The following NLGN4X variants were observed in gnomAD, a reference collection of about 807,000 sequenced individuals.
The protein encoded by NLGN4X is neuroligin-4, X-linked.
A neutral mutation model predicts 40.3 loss-of-function variants in NLGN4X; 3 were observed. That is an observed-to-expected ratio of 0.07 (90% CI 0.03 to 0.19). NLGN4X has a LOEUF of 0.19. NLGN4X is among the 10% of genes least tolerant of loss of function. The pLI is 1.00. For synonymous variants in NLGN4X, 270 were observed against 306.8 expected, an observed-to-expected ratio of 0.88 and a Z score of 1.25; for missense variants, 382 against 708.3, an observed-to-expected ratio of 0.54 and a Z score of 5.23.
At chrX:5,978,298 TTCTTTCTTTCTTTC>T (rs2035257972) in intron 3 of NLGN4X, among the ~76,000 whole-genome samples, 1 of 88,063 alleles carries the variant, frequency 1.1e-5, no homozygotes, top group African/African-American at 5.0e-5. Context: ...CTTTCTTTCT[TTCTTTCTTTCTTTC>T]TTTCTTTCTT....
Position 6,078,684 on chromosome X carries a change from A to G in NLGN4X, c.473-49252T>C, listed in dbSNP as rs767302946. On this transcript the variant is annotated intron_variant, in intron 2 of 5. Transcript: ENST00000381095. The stretch of plus-strand genomic sequence containing the variant: ...AAATTACAATTAAACTACAATACTG[A>G]TAACTTTTAAATTCTATTAAAACCA... Among the ~76,000 whole-genome samples, 18 of 106,097 alleles carry G rather than the reference A, an allele frequency of 1.7e-4. No individual in the cohort carries two copies. The South Asian group carries it at 7.2e-3, about 43-fold the overall frequency. The allele number at this position is 106,097 out of a possible 115,157, so 92.1% of individuals were successfully genotyped here.
intron 1 of NLGN4X, among the ~76,000 whole-genome samples, chrX:6,167,798 G>A (rs2040528383): frequency 8.9e-6 from 1 of 111,876 alleles, no homozygotes; most frequent in African/African-American, 3.2e-5. Context: ...CACAGCAAGT[G>A]GCAAAATCCT....
At chrX:6,177,445 C>T (rs891366264) in intron 1 of NLGN4X, among the ~76,000 whole-genome samples, 3 of 111,973 alleles carry the variant, frequency 2.7e-5, no homozygotes, top group Non-Finnish European at 5.6e-5. Context: ...GGATTACAGG[C>T]GTGAGCCACT....
chrX:6,205,583 T>G (rs1040099838), intron 1 of NLGN4X, among the ~76,000 whole-genome samples: 11 of 112,596 alleles, frequency 9.8e-5, no homozygotes, highest in African/African-American at 3.5e-4. Flanking sequence ...ATCATTTGTT[T>G]AATGGTTTAC....
At chrX:6,212,963 G>T (rs190177309) in intron 1 of NLGN4X, among the ~76,000 whole-genome samples, 169 of 111,923 alleles carry the variant, frequency 1.5e-3, no homozygotes, top group African/African-American at 4.9e-3. Context: ...ATCTTTCTTA[G>T]AGAAGAATTC....
At chrX:6,139,812 G>A (rs2039903596) in intron 2 of NLGN4X, among the ~76,000 whole-genome samples, 1 of 111,404 alleles carries the variant, frequency 9.0e-6, no homozygotes, top group Non-Finnish European at 1.9e-5. Flanking sequence ...ACTCACCCAA[G>A]GCCTTGTCTA....
intron 2 of NLGN4X, among the ~76,000 whole-genome samples, chrX:6,036,157 C>A (rs899612011): frequency 2.7e-5 from 3 of 111,514 alleles, no homozygotes; most frequent in African/African-American, 9.8e-5. Context: ...TTTATAGTAC[C>A]TTTTAAAATA....
chrX:6,118,796 G>A (rs1024850469), intron 2 of NLGN4X, among the ~76,000 whole-genome samples: 3 of 111,092 alleles, frequency 2.7e-5, no homozygotes, highest in African/African-American at 9.8e-5. Flanking sequence ...CCCTCTCAAC[G>A]GCCTACTGTC....
At chrX:6,218,105 G>C (rs2045208) in intron 1 of NLGN4X, among the ~76,000 whole-genome samples, 1 of 109,577 alleles carries the variant, frequency 9.1e-6, no homozygotes, top group Non-Finnish European at 1.9e-5. Flanking sequence ...TTTGCAATAC[G>C]GGCATGCATG....
chrX:6,173,176 C>T (rs938379223), intron 1 of NLGN4X, among the ~76,000 whole-genome samples: 2 of 112,354 alleles, frequency 1.8e-5, no homozygotes, highest in African/African-American at 3.2e-5. Flanking sequence ...AGGGAAGGAC[C>T]GTACTTTAGC....
intron 3 of NLGN4X, among the ~76,000 whole-genome samples, chrX:5,971,039 A>G (rs1399982583): frequency 8.9e-6 from 1 of 111,813 alleles, no homozygotes; most frequent in East Asian, 2.8e-4. Flanking sequence ...AACCTCACCC[A>G]ATAGCCATAG....
chrX:6,036,258 C>T (rs2037002348), intron 2 of NLGN4X, among the ~76,000 whole-genome samples: 1 of 111,269 alleles, frequency 9.0e-6, no homozygotes, highest in African/African-American at 3.3e-5. Flanking sequence ...CTTTCCAAAT[C>T]AGCTTGTTAG....
chrX:6,037,896 G>A (rs1031214688), intron 2 of NLGN4X, among the ~76,000 whole-genome samples: 2 of 111,661 alleles, frequency 1.8e-5, no homozygotes, highest in African/African-American at 6.5e-5. Context: ...CGGCAGCAAG[G>A]AAGTGACTGG....
chrX:5,896,311 C>T (rs919581629), intron 5 of NLGN4X, among the ~76,000 whole-genome samples: 5 of 112,073 alleles, frequency 4.5e-5, no homozygotes, highest in Admixed American at 9.4e-5. Context: ...TATTAAAGAT[C>T]TCGGAGATGC....
At position 6,067,112 on chromosome X, in the gene NLGN4X, C is replaced by CA. The variant is rs745577316; in HGVS notation, c.473-37681_473-37680insT. ...CAACAGAGTGAGATACAGTCCCCCC[C>CA]CCAAAACAAAATTAAATAAAACATA... On this transcript the variant is annotated intron_variant, in intron 2 of 5. Coordinates refer to ENST00000381095, the MANE Select transcript of NLGN4X (RefSeq NM_181332.3). 1.8e-3 allele frequency among the ~76,000 whole-genome samples: 192 copies of CA among 109,356 alleles called. 2 individuals carry two copies. The highest frequency in any genetic ancestry group is 6.2e-3 in the African/African-American group (184 of 29,859). 95.0% of individuals were successfully genotyped at this position (109,356 alleles called of 115,157 possible).
intron 2 of NLGN4X, among the ~76,000 whole-genome samples, chrX:6,114,704 T>TA (rs2147544295): frequency 9.0e-6 from 1 of 111,644 alleles, no homozygotes; most frequent in South Asian, 3.7e-4. Context: ...ATACAATCAT[T>TA]AAAAAGAAAA....
intron 2 of NLGN4X, among the ~76,000 whole-genome samples, chrX:6,066,686 G>A (rs1213956635): frequency 1.8e-5 from 2 of 112,216 alleles, no homozygotes; most frequent in African/African-American, 6.5e-5. Context: ...TTGGGAGGCT[G>A]AGGCAGGAGA....
intron 2 of NLGN4X, among the ~76,000 whole-genome samples, chrX:6,084,386 T>C (rs932174003): frequency 5.4e-5 from 6 of 111,509 alleles, no homozygotes; most frequent in Non-Finnish European, 7.5e-5. Context: ...GACTGGCCAT[T>C]GGACACAGGA....
chrX:6,148,022 A>T (rs1335593363), intron 2 of NLGN4X, among the ~76,000 whole-genome samples: 3 of 112,180 alleles, frequency 2.7e-5, no homozygotes, highest in Non-Finnish European at 5.6e-5. Flanking sequence ...AGGGAATTAT[A>T]AAAAGTATTG....
Sources: gnomAD v4.1 joint callset for allele counts (sites outside exome capture counted in the v4.1 genomes callset) on GRCh38, gnomAD v4.1.1 for gene constraint, MANE v1.5 for transcripts, NCBI Gene and HGNC (gene_info 2026-07-23, HGNC 2026-07-21) for gene names.